The following SPMIP3 variants were observed in gnomAD, a reference collection of about 807,000 sequenced individuals.
The protein encoded by SPMIP3 is sperm microtubule inner protein 3.
chr1:244,372,466 T>C, the SPMIP3 span, among the ~76,000 whole-genome samples: 36 of 149,736 alleles, frequency 2.4e-4, no homozygotes, highest in Admixed American at 2.1e-3. Flanking sequence ...TTTTTTGAGA[T>C]GGAGTCTCAC....
At chr1:244,383,420 G>A in the SPMIP3 span, among the ~76,000 whole-genome samples, 1 of 152,122 alleles carries the variant, frequency 6.6e-6, no homozygotes, top group Non-Finnish European at 1.5e-5. Flanking sequence ...TGAGTCAGGA[G>A]GACTGCTTGA....
At chr1:244,377,136 T>A in the SPMIP3 span, among the ~76,000 whole-genome samples, 4 of 151,250 alleles carry the variant, frequency 2.6e-5, no homozygotes, top group Non-Finnish European at 4.4e-5. Context: ...TTTATTTTTT[T>A]TTTTTGAGAC....
the SPMIP3 span, among the ~76,000 whole-genome samples, chr1:244,379,112 T>G: frequency 6.6e-6 from 1 of 151,752 alleles, no homozygotes; most frequent in East Asian, 1.9e-4. Context: ...GTATTTTTAG[T>G]AGAGACGGGG....
chr1:244,375,627 A>ATTT, the SPMIP3 span: 1 of 493,992 alleles, frequency 2.0e-6, no homozygotes, highest in Non-Finnish European at 3.5e-6. Flanking sequence ...CAAACTGTTA[A>ATTT]TGTTTTTTTT....
At chr1:244,372,821 ACTCAATAAAGTCAC>A in the SPMIP3 span, among the ~76,000 whole-genome samples, 1 of 152,166 alleles carries the variant, frequency 6.6e-6, no homozygotes, top group Non-Finnish European at 1.5e-5. Flanking sequence ...GGCATCACAA[ACTCAATAAAGTCAC>A]CTTCCCAATG....
At chr1:244,360,551 CACACACAT>C in the SPMIP3 span, among the ~76,000 whole-genome samples, 1 of 50,602 alleles carries the variant, frequency 2.0e-5, no homozygotes, top group East Asian at 5.7e-4. Context: ...CACACACACA[CACACACAT>C]GCATGCATGG....
At chr1:244,387,464 G>A in the SPMIP3 span, among the ~76,000 whole-genome samples, 2 of 151,616 alleles carry the variant, frequency 1.3e-5, no homozygotes, top group African/African-American at 2.4e-5. Context: ...AACACCAATG[G>A]GTATGAATTT....
chr1:244,377,439 G>C, the SPMIP3 span, among the ~76,000 whole-genome samples: 1 of 152,122 alleles, frequency 6.6e-6, no homozygotes, highest in Non-Finnish European at 1.5e-5. Flanking sequence ...ACTTTTAATG[G>C]TGGCATGGCA....
At chr1:244,372,644 C>G in the SPMIP3 span, among the ~76,000 whole-genome samples, 1 of 152,042 alleles carries the variant, frequency 6.6e-6, no homozygotes, top group African/African-American at 2.4e-5. Context: ...TGGGTTTCAC[C>G]GCGTTAGCCA....
At chr1:244,357,514 G>A in the SPMIP3 span, among the ~76,000 whole-genome samples, 2 of 151,804 alleles carry the variant, frequency 1.3e-5, no homozygotes, top group African/African-American at 4.8e-5. Context: ...TTGGGGACCA[G>A]CCTGACAAAC....
chr1:244,374,878 G>A, the SPMIP3 span, among the ~76,000 whole-genome samples: 4 of 152,060 alleles, frequency 2.6e-5, no homozygotes, highest in East Asian at 7.8e-4. Context: ...GATTACAGGT[G>A]TGAGCCACCG....
At chr1:244,367,994 G>A in the SPMIP3 span, among the ~76,000 whole-genome samples, 10 of 151,972 alleles carry the variant, frequency 6.6e-5, no homozygotes, top group Non-Finnish European at 1.0e-4. Context: ...AAAGTCTTGC[G>A]CTGTCACCCA....
chr1:244,388,664 A>C, the SPMIP3 span, among the ~76,000 whole-genome samples: 1 of 152,238 alleles, frequency 6.6e-6, no homozygotes, highest in Non-Finnish European at 1.5e-5. Context: ...ATAATGTACG[A>C]CTAAAAAGGT....
the SPMIP3 span, among the ~76,000 whole-genome samples, chr1:244,384,806 T>G: frequency 6.6e-6 from 1 of 152,180 alleles, no homozygotes; most frequent in African/African-American, 2.4e-5. Flanking sequence ...GCAAGAGGCC[T>G]GACAAGCACT....
At chr1:244,377,337 G>A in the SPMIP3 span, among the ~76,000 whole-genome samples, 10 of 151,498 alleles carry the variant, frequency 6.6e-5, no homozygotes, top group South Asian at 2.1e-3. Flanking sequence ...TGTTAGCCAG[G>A]ATGGTCTCGA....
At chr1:244,361,856 G>T in the SPMIP3 span, among the ~76,000 whole-genome samples, 14 of 152,194 alleles carry the variant, frequency 9.2e-5, no homozygotes, top group Non-Finnish European at 1.9e-4. Context: ...GAGCTCAAAA[G>T]CCCTGAATAC....
chr1:244,384,616 G>T, the SPMIP3 span, among the ~76,000 whole-genome samples: 54,488 of 152,008 alleles, frequency 0.36, 10,220 homozygotes, highest in Admixed American at 0.41. Flanking sequence ...CGGCAAAGTG[G>T]GGGTCCCAGG....
chr1:244,379,171 G>A, the SPMIP3 span, among the ~76,000 whole-genome samples: 8 of 150,442 alleles, frequency 5.3e-5, no homozygotes, highest in Non-Finnish European at 7.4e-5. Flanking sequence ...CTCATGATCC[G>A]CCCGCCTAAG....
the SPMIP3 span, among the ~76,000 whole-genome samples, chr1:244,371,750 T>A: frequency 6.6e-6 from 1 of 152,212 alleles, no homozygotes; most frequent in Admixed American, 6.5e-5. Context: ...TAAACTGTAA[T>A]GTGGCCCTGG....
Sources: gnomAD v4.1 joint callset for allele counts (sites outside exome capture counted in the v4.1 genomes callset) on GRCh38, gnomAD v4.1.1 for gene constraint, MANE v1.5 for transcripts, NCBI Gene and HGNC (gene_info 2026-07-23, HGNC 2026-07-21) for gene names.